The following KCNH5 variants were observed in gnomAD, a reference collection of about 807,000 sequenced individuals.
KCNH5 encodes potassium voltage-gated channel subfamily H member 5.
Under a neutral mutation model 96.1 loss-of-function variants are expected in KCNH5, and 46 were observed. The observed-to-expected ratio is 0.48, with a 90% confidence interval of 0.38 to 0.61. KCNH5 has a LOEUF of 0.61. Ranked by LOEUF, KCNH5 falls within the 20% of genes least tolerant of loss-of-function variation. KCNH5 has a pLI of 0.00. For synonymous variants in KCNH5, 439 were observed against 449.8 expected (o/e 0.98, Z 0.30); for missense variants, 907 against 1,225.8 (o/e 0.74, Z 3.88).
chr14:62,757,972 C>T (rs778898236), intron 10 of KCNH5, among the ~76,000 whole-genome samples: 2 of 151,916 alleles, frequency 1.3e-5, no homozygotes, highest in African/African-American at 4.8e-5. Context: ...ATGGCAAAAC[C>T]CCCTTTCTAC....
At chr14:63,020,089 T>C (rs904913656) in intron 1 of KCNH5, among the ~76,000 whole-genome samples, 2 of 152,116 alleles carry the variant, frequency 1.3e-5, no homozygotes, top group African/African-American at 2.4e-5. Flanking sequence ...ACAATCATCA[T>C]GCATCAGGAA....
rs1168551015 is a variant in KCNH5 at position 62,946,997 on chromosome 14, G to C, written c.1369+3136C>G. ...ACAGTTCTGTATCTTGATTGCAGTT[G>C]TAATTAAAGAAACCTGCACATGTGA... On this transcript the variant is annotated intron_variant, in intron 7 of 10. Transcript: ENST00000322893. Among the ~76,000 whole-genome samples the C allele has an allele frequency of 4.6e-5, 7 of 152,178 alleles. No individual in the cohort carries two copies. The East Asian group carries it at 1.4e-3, about 29-fold the overall frequency.
chr14:62,814,599 A>G (rs1886936433), intron 8 of KCNH5, among the ~76,000 whole-genome samples: 1 of 151,838 alleles, frequency 6.6e-6, no homozygotes, highest in Non-Finnish European at 1.5e-5. Context: ...CCTGGCCAAC[A>G]TGGCAAAACG....
intron 10 of KCNH5, among the ~76,000 whole-genome samples, chr14:62,746,457 T>C (rs1337301958): frequency 1.3e-5 from 2 of 152,220 alleles, no homozygotes; most frequent in Non-Finnish European, 2.9e-5. Context: ...AAGAAACTAC[T>C]TCTCTAAGTT....
At chr14:62,725,442 C>A (rs890449514) in intron 10 of KCNH5, among the ~76,000 whole-genome samples, 8 of 152,120 alleles carry the variant, frequency 5.3e-5, no homozygotes, top group African/African-American at 1.9e-4. Flanking sequence ...TTTCCTTTGG[C>A]CCAGTTGAAA....
chr14:62,947,961 A>T (rs1192967449), intron 7 of KCNH5, among the ~76,000 whole-genome samples: 1 of 151,814 alleles, frequency 6.6e-6, no homozygotes, highest in African/African-American at 2.4e-5. Flanking sequence ...ATATCTCCCA[A>T]TGCTATCCCT....
chr14:62,799,573 C>CAA (rs5809173), intron 9 of KCNH5, among the ~76,000 whole-genome samples: 3 of 52,616 alleles, frequency 5.7e-5, no homozygotes, highest in African/African-American at 7.4e-5. Flanking sequence ...AACTCCGTCT[C>CAA]AAAAAAAAAA....
intron 1 of KCNH5, among the ~76,000 whole-genome samples, chr14:63,026,816 T>C (rs1191742009): frequency 1.3e-5 from 2 of 151,988 alleles, no homozygotes; most frequent in East Asian, 3.9e-4. Context: ...AAATTAAAAA[T>C]AGAACCACCA....
intron 1 of KCNH5, among the ~76,000 whole-genome samples, chr14:63,019,811 A>G (rs1293716211): frequency 6.6e-6 from 1 of 152,072 alleles, no homozygotes; most frequent in African/African-American, 2.4e-5. Context: ...AATCACCATA[A>G]AAGAAAATGT....
chr14:62,853,988 C>G (rs1465275255), intron 7 of KCNH5, among the ~76,000 whole-genome samples: 1 of 137,112 alleles, frequency 7.3e-6, no homozygotes, highest in Non-Finnish European at 1.5e-5. Flanking sequence ...GCCTGGGCGA[C>G]AGAGCGAGAC....
At chr14:62,764,854 G>A (rs185913297) in intron 10 of KCNH5, among the ~76,000 whole-genome samples, 3 of 152,122 alleles carry the variant, frequency 2.0e-5, no homozygotes, top group Non-Finnish European at 2.9e-5. Context: ...ACAAAACACT[G>A]TTGAAAGAAA....
At position 63,006,406 on chromosome 14, in the gene KCNH5, G is replaced by T; in HGVS notation, c.264C>A (p.Tyr88Ter). 6.2e-7 allele frequency: 1 copy of T among 1,612,604 alleles called. No homozygotes were observed. Among genetic ancestry groups the T allele is most frequent in the Non-Finnish European group, 8.5e-7 (1 of 1,179,066 alleles). ...IEKVRQTFDN[Y>*]ESNCFEVLLY... Reference sequence around the variant, plus strand: ...GAAGAACTTCAAAGCAGTTTGATTCGTAGTTGTCAAAAGTTTGCCTGACTT... The same window carrying T: ...GAAGAACTTCAAAGCAGTTTGATTCTTAGTTGTCAAAAGTTTGCCTGACTT... The change falls in exon 3 of 11, where the codon TAC (tyrosine) becomes TAA (stop). Residue 88 changes from tyrosine to a stop codon, truncating the protein, a stop_gained. Coordinates refer to ENST00000322893, the MANE Select transcript of KCNH5 (RefSeq NM_139318.5). LOFTEE classifies it high-confidence loss of function.
At chr14:63,021,512 A>T (rs1225941929) in intron 1 of KCNH5, among the ~76,000 whole-genome samples, 4 of 152,090 alleles carry the variant, frequency 2.6e-5, no homozygotes, top group Non-Finnish European at 5.9e-5. Context: ...TCTCAACTCT[A>T]CATTTTCTAT....
At chr14:62,981,363 T>C in intron 5 of KCNH5, 99 bp from the exon 6 acceptor site, 1 of 1,184,978 alleles carries the variant, frequency 8.4e-7, no homozygotes, top group South Asian at 1.4e-5. Context: ...CCAGTCATGC[T>C]CCACAGTCTT....
intron 9 of KCNH5, among the ~76,000 whole-genome samples, chr14:62,790,078 T>G (rs1886400695): frequency 6.6e-6 from 1 of 151,536 alleles, no homozygotes; most frequent in East Asian, 1.9e-4. Context: ...CTTTTTTTTT[T>G]GTATGGGTGG....
intron 7 of KCNH5, among the ~76,000 whole-genome samples, chr14:62,862,096 C>A (rs1357054951): frequency 6.6e-6 from 1 of 152,084 alleles, no homozygotes; most frequent in East Asian, 1.9e-4. Context: ...ATCATAAGCA[C>A]CAGCATGTAA....
chr14:62,929,807 C>T (rs28497711), intron 7 of KCNH5, among the ~76,000 whole-genome samples: 16,492 of 151,962 alleles, frequency 0.11, 1,173 homozygotes, highest in East Asian at 0.28. Context: ...CCCACTCCCT[C>T]CCCCTCTAGT....
intron 10 of KCNH5, chr14:62,712,739 A>G (rs2139904396): frequency 1.3e-6 from 1 of 775,922 alleles, no homozygotes; most frequent in Non-Finnish European, 2.4e-6. Context: ...AATTGAACAC[A>G]ATTGAAGCTG....
At chr14:62,987,009 T>C (rs1236752416) in intron 5 of KCNH5, 63 bp downstream of exon 5, 3 of 1,057,424 alleles carry the variant, frequency 2.8e-6, no homozygotes, top group Non-Finnish European at 4.4e-6. Flanking sequence ...TATTAAATCA[T>C]TTTAGGGAAG....
Sources: allele counts gnomAD v4.1 joint callset (sites outside exome capture counted in the v4.1 genomes callset), GRCh38; gene constraint gnomAD v4.1.1; transcripts MANE v1.5; gene names NCBI Gene and HGNC (gene_info 2026-07-23, HGNC 2026-07-21).